The following MEGF8 variants were observed in gnomAD, a reference collection of about 807,000 sequenced individuals.
MEGF8 encodes the protein multiple epidermal growth factor-like domains protein 8.
A neutral mutation model predicts 302.9 loss-of-function variants in MEGF8; 156 were observed. That is an observed-to-expected ratio of 0.52 (90% CI 0.45 to 0.59). The LOEUF (loss-of-function observed/expected upper bound fraction) is 0.59. Ranked by LOEUF, MEGF8 falls within the 20% of genes least tolerant of loss-of-function variation. The pLI is 0.00. For synonymous variants in MEGF8, 1,621 were observed against 1,660.5 expected (o/e 0.98, Z 0.58); for missense variants, 3,345 against 3,964.5 (o/e 0.84, Z 4.20).
rs762810587 is a variant in MEGF8, at chr19:42,344,688, G to A, written c.1952G>A (p.Gly651Glu). Residue 651 changes from glycine (G) to glutamate (E), a missense_variant, in exon 12 of 42, where the codon GGG becomes GAG. Gly to Glu is a moderately conservative substitution (Grantham distance 98). Transcript: ENST00000251268. This position sits in a 1 kb window ranked among gnomAD's most constrained non-coding sequence, Gnocchi z 4.5. ...LPRPEQARCR[G>E]EQISGTVGWW... ...TTCTCAGAGCAGGCCCGCTGCCGAG[G>A]GGAGCAGATCTCAGGCACTGTGGGC... 4 of 1,591,592 alleles carry A rather than the reference G, an allele frequency of 2.5e-6. No individual in the cohort carries two copies. In the Admixed American group the frequency reaches 6.9e-5, roughly 27 times the overall value.
chr19:42,334,267 C>T (rs372768420), intron 3 of MEGF8, 54 bp downstream of exon 3: 37 of 1,474,572 alleles, frequency 2.5e-5, no homozygotes, highest in Admixed American at 1.7e-4. Flanking sequence ...TGAGCGCAGC[C>T]TCCACGCCCA....
At chr19:42,328,880 T>C (rs1367782561) in intron 1 of MEGF8, among the ~76,000 whole-genome samples, 1 of 150,880 alleles carries the variant, frequency 6.6e-6, no homozygotes, top group Non-Finnish European at 1.5e-5. Context: ...CTCAGACTGG[T>C]TGGGAATGGT....
intron 1 of MEGF8, among the ~76,000 whole-genome samples, chr19:42,333,212 C>G (rs1489021721): frequency 1.3e-5 from 2 of 152,176 alleles, no homozygotes; most frequent in Non-Finnish European, 2.9e-5. Context: ...GACCCTCCAG[C>G]CTGGACATGT....
In MEGF8 at chr19:42,326,207, C is replaced by T. The variant is rs201236933; in HGVS notation, c.-37C>T. ...GAGGGTCCTCTCCAGGTTTTTACGGCCTGTCCCCGCTCTAAGGGTCAGTGC... is the reference window on the plus strand; with the variant it reads ...GAGGGTCCTCTCCAGGTTTTTACGGTCTGTCCCCGCTCTAAGGGTCAGTGC... On this transcript the variant is annotated 5_prime_UTR_variant, in exon 1 of 42. Coordinates refer to ENST00000251268, the MANE Select transcript of MEGF8 (RefSeq NM_001271938.2). The T allele has an allele frequency of 4.1e-6, 6 of 1,466,318 alleles. No individual in the cohort carries two copies. The East Asian group carries it at 1.4e-4, about 33-fold the overall frequency. The allele number at this position is 1,466,318 out of a possible 1,614,324, so 90.8% of individuals were successfully genotyped here.
In MEGF8 at chr19:42,376,186, T is replaced by C. The variant is rs1172925447; in HGVS notation, c.7949T>C (p.Val2650Ala). 6.2e-7 allele frequency: 1 copy of C among 1,609,954 alleles called. No homozygotes were observed. Among genetic ancestry groups the C allele is most frequent in the East Asian group, 2.2e-5 (1 of 44,654 alleles). The stretch of plus-strand genomic sequence containing the variant: ...GACCAGGCCCACATTGACCTGTTTG[T>C]CTTCTTCTCCGTCTTCTTCTCCTGC... ...RQDQAHIDLF[V>A]FFSVFFSCFF... is the part of the protein sequence containing the mutation. Residue 2650 changes from valine to alanine, a missense_variant, in exon 42 of 42, where the codon GTC becomes GCC. By Grantham distance (64) the Val-to-Ala change is moderately conservative (BLOSUM62 0). Coordinates refer to ENST00000251268, the MANE Select transcript of MEGF8 (RefSeq NM_001271938.2). The surrounding 1 kb of genome is among the most constrained non-coding windows in gnomAD (Gnocchi z 8.2).
intron 41 of MEGF8, among the ~76,000 whole-genome samples, 153 bp downstream of exon 41, chr19:42,371,635 C>T (rs2039691907): frequency 6.6e-6 from 1 of 152,104 alleles, no homozygotes; most frequent in South Asian, 2.1e-4. Context: ...GTTCCTGAGC[C>T]CCATTCAGTT....
At position 42,351,275 on chromosome 19, in the gene MEGF8, G is replaced by T; in HGVS notation, c.2796G>T (p.Arg932=). ...TSRKGDAACS[R]RGRGRGALKS... Reference sequence around the variant, plus strand: ...GCAAAGGGGACGCGGCATGCAGCCGGCGGGGCCGGGGTCGGGGTGCCCTGA... The same window carrying T: ...GCAAAGGGGACGCGGCATGCAGCCGTCGGGGCCGGGGTCGGGGTGCCCTGA... Residue 932 remains arginine (R), a synonymous_variant, in exon 16 of 42, where the codon CGG becomes CGT. Coordinates refer to ENST00000251268, the MANE Select transcript of MEGF8 (RefSeq NM_001271938.2). This position sits in a 1 kb window ranked among gnomAD's most constrained non-coding sequence, Gnocchi z 5.6. 6.4e-7 allele frequency: 1 copy of T among 1,572,574 alleles called. No homozygotes were observed. The highest frequency in any genetic ancestry group is 1.9e-5 in the Admixed American group (1 of 53,264).
chr19:42,356,501 C>T lies in MEGF8; in HGVS notation c.4622+48C>T. The T allele has an allele frequency of 1.4e-6, 2 of 1,417,784 alleles. No homozygotes were observed. Among genetic ancestry groups the T allele is most frequent in the Non-Finnish European group, 1.9e-6 (2 of 1,048,824 alleles). 87.8% of individuals were successfully genotyped at this position (1,417,784 alleles called of 1,614,324 possible). A position where few individuals can be genotyped will look rare whatever the true frequency, so the allele number is the denominator to read the frequency against. On this transcript the variant is annotated intron_variant, in intron 26 of 41. Coordinates refer to ENST00000251268, the MANE Select transcript of MEGF8 (RefSeq NM_001271938.2). The surrounding 1 kb of genome is among the most constrained non-coding windows in gnomAD (Gnocchi z 5.2). ...GGGATTCGCAAATAAGAGAAGGTCA[C>T]CTCGGGATGCTAAGAGTCACCTCAG... is the stretch of plus-strand genomic sequence containing the variant.
In MEGF8 at chr19:42,353,549, A is replaced by G. The variant is rs372294386; in HGVS notation, c.3635A>G (p.Gln1212Arg). The G allele has an allele frequency of 6.2e-7, 1 of 1,605,804 alleles. No homozygotes were observed. The highest frequency in any genetic ancestry group is 8.5e-7 in the Non-Finnish European group (1 of 1,176,698). The change falls in exon 21 of 42, where the codon CAG (glutamine) becomes CGG (arginine). Residue 1212 changes from glutamine (Q) to arginine (R), a missense_variant. By Grantham distance (43) the Gln-to-Arg change is conservative. Coordinates refer to ENST00000251268, the MANE Select transcript of MEGF8 (RefSeq NM_001271938.2). The surrounding 1 kb of genome is among the most constrained non-coding windows in gnomAD (Gnocchi z 6.1). Reference sequence around the variant, plus strand: ...GGCTCTAGGGGCTGCCGGCCCTGCCAGTGCAACGGGCACGGGGACCCACGC... The same window carrying G: ...GGCTCTAGGGGCTGCCGGCCCTGCCGGTGCAACGGGCACGGGGACCCACGC... ...ATGSRGCRPC[Q>R]CNGHGDPRRG...
chr19:42,333,898 G>A, intron 2 of MEGF8, 109 bp from the exon 3 acceptor site: 1 of 1,515,926 alleles, frequency 6.6e-7, no homozygotes, highest in Non-Finnish European at 8.9e-7. Context: ...GGCAAAGGAA[G>A]GAGATGAGGC....
Position 42,369,650 on chromosome 19 carries a change from G to A in MEGF8, c.6761G>A (p.Arg2254His), listed in dbSNP as rs761677916. Residue 2254 changes from arginine (R) to histidine (H), a missense_variant, in exon 38 of 42, where the codon CGC (arginine) becomes CAC (histidine). Arg to His is a conservative substitution (Grantham distance 29). Transcript: ENST00000251268. This position sits in a 1 kb window ranked among gnomAD's most constrained non-coding sequence, Gnocchi z 5.7. ...FVGRNCSTEC[R>H]CNRHSECAGV... ...GGCCGCAACTGCTCCACGGAATGCC[G>A]CTGCAACCGCCACAGTGAATGCGCT... 9.9e-6 allele frequency: 16 copies of A among 1,608,980 alleles called. No individual in the cohort carries two copies. The highest frequency in any genetic ancestry group is 8.3e-5 in the Admixed American group (5 of 59,974).
Position 42,358,264 on chromosome 19 carries a change from C to A in MEGF8, c.5132C>A (p.Pro1711His). The A allele has an allele frequency of 6.2e-7, 1 of 1,605,518 alleles. No individual in the cohort carries two copies. The highest frequency in any genetic ancestry group is 2.2e-5 in the East Asian group (1 of 44,466). The change falls in exon 29 of 42, where the codon CCT becomes CAT. Residue 1711 changes from proline (P) to histidine (H), a missense_variant. Transcript: ENST00000251268. This position sits in a 1 kb window ranked among gnomAD's most constrained non-coding sequence, Gnocchi z 4.4. ...PSPELYSLHC[P>H]DRTWSLLAPS... The stretch of plus-strand genomic sequence containing the variant: ...CCCGAGCTCTACTCCCTGCACTGTC[C>A]TGACCGCACCTGGAGTCTGCTGGCC...
rs767147066 is a variant in MEGF8, at chr19:42,356,136, C to T, written c.4446C>T (p.Thr1482=). The T allele has an allele frequency of 1.3e-6, 2 of 1,579,512 alleles. No homozygotes were observed. Among genetic ancestry groups the T allele is most frequent in the South Asian group, 1.2e-5 (1 of 85,760 alleles). ...AEGFGGPDCA[T]KLDGGQLVWE... ...GCTTCGGGGGCCCCGACTGCGCCAC[C>T]AAGCTGGATGGCGGGCAGCTGGTCT... Residue 1482 remains threonine, a synonymous_variant, in exon 25 of 42, where the codon ACC becomes ACT. Transcript: ENST00000251268. The surrounding 1 kb of genome is among the most constrained non-coding windows in gnomAD (Gnocchi z 5.2).
At chr19:42,348,075 C>T (rs952176570) in intron 12 of MEGF8, among the ~76,000 whole-genome samples, 197 bp from the exon 13 acceptor site, 12 of 152,148 alleles carry the variant, frequency 7.9e-5, no homozygotes, top group Non-Finnish European at 1.8e-4. Context: ...GGGACCCTGT[C>T]GTCTATTGTC....
intron 34 of MEGF8, 45 bp from the exon 35 acceptor site, chr19:42,363,003 C>A: frequency 6.5e-7 from 1 of 1,530,096 alleles, no homozygotes; most frequent in South Asian, 1.2e-5. Flanking sequence ...GCTGGGCTTG[C>A]GATCTCCTGG....
chr19:42,330,166 C>T (rs1311387097), intron 1 of MEGF8, among the ~76,000 whole-genome samples: 3 of 152,164 alleles, frequency 2.0e-5, no homozygotes, highest in African/African-American at 7.2e-5. Context: ...TGGTCTCAAA[C>T]TCCTGGCCTC....
Position 42,357,279 on chromosome 19 carries a change from C to T in MEGF8, c.4831-125C>T. 1 of 1,226,822 alleles carries T rather than the reference C, an allele frequency of 8.2e-7. No homozygotes were observed. Among genetic ancestry groups the T allele is most frequent in the Non-Finnish European group, 1.1e-6 (1 of 878,698 alleles). 76.0% of individuals were successfully genotyped at this position (1,226,822 alleles called of 1,614,324 possible). Reference sequence around the variant, plus strand: ...CCAGGACCCAGGCTGGTCCGACTGGCCCTGGGGGGGTCATTCCCTCCTTAG... The same window carrying T: ...CCAGGACCCAGGCTGGTCCGACTGGTCCTGGGGGGGTCATTCCCTCCTTAG... On this transcript the variant is annotated intron_variant, in intron 27 of 41. Transcript: ENST00000251268. The surrounding 1 kb of genome is among the most constrained non-coding windows in gnomAD (Gnocchi z 5.2).
Position 42,344,432 on chromosome 19 carries a change from T to C in MEGF8, c.1789-9T>C. On this transcript the variant is annotated splice_polypyrimidine_tract_variant and intron_variant, in intron 10 of 41. Transcript: ENST00000251268. The surrounding 1 kb of genome is among the most constrained non-coding windows in gnomAD (Gnocchi z 4.5). ...TGACAGTGAGCCCTTTCCCCTCTCC[T>C]CCTCGCAGTGTCCAGCCGCCAGCTG... The C allele has an allele frequency of 1.9e-6, 3 of 1,580,294 alleles. No individual in the cohort carries two copies. The highest frequency in any genetic ancestry group is 2.6e-6 in the Non-Finnish European group (3 of 1,169,980).
rs1253060058 is a variant in MEGF8, at chr19:42,360,377, G to A, written c.5489-398G>A. Among the ~76,000 whole-genome samples, 12 of 122,848 alleles carry A rather than the reference G, an allele frequency of 9.8e-5. No individual in the cohort carries two copies. In the East Asian group the frequency reaches 2.9e-3, roughly 30 times the overall value. 80.6% of individuals were successfully genotyped at this position (122,848 alleles called of 152,430 possible). A position where few individuals can be genotyped will look rare whatever the true frequency, so the allele number is the denominator to read the frequency against. On this transcript the variant is annotated intron_variant, in intron 31 of 41. Coordinates refer to ENST00000251268, the MANE Select transcript of MEGF8 (RefSeq NM_001271938.2). ...TTTTTTTTTTTGGAGACATGGTCTTGTTCTGTTGCCCAGGCTGGAGTGCAG... is the reference window on the plus strand; with the variant it reads ...TTTTTTTTTTTGGAGACATGGTCTTATTCTGTTGCCCAGGCTGGAGTGCAG...
Sources: gnomAD v4.1 joint callset for allele counts (sites outside exome capture counted in the v4.1 genomes callset) on GRCh38, gnomAD v4.1.1 for gene constraint, Gnocchi (gnomAD v3.1) non-coding constraint, MANE v1.5 for transcripts, NCBI Gene and HGNC (gene_info 2026-07-23, HGNC 2026-07-21) for gene names.